Variants in SRP19 observed in about 807,000 individuals in gnomAD.
The protein encoded by SRP19 is signal recognition particle 19.
In SRP19, 11 loss-of-function variants were observed where a neutral mutation model predicts 22.4. The observed-to-expected ratio is 0.49, with a 90% CI of 0.31 to 0.81. SRP19 has a LOEUF of 0.81. SRP19 is among the 40% of genes least tolerant of loss of function. The pLI is 0.05. For missense variants in SRP19, 168 were observed against 175.9 expected, an observed-to-expected ratio of 0.96 and a Z score of 0.25; for synonymous variants, 61 against 57.6, an observed-to-expected ratio of 1.06 and a Z score of -0.27.
downstream of SRP19, chr5:112,869,895 A>G (rs1432163793): frequency 2.0e-5 from 3 of 152,234 alleles, no homozygotes; most frequent in Non-Finnish European, 2.9e-5. Flanking sequence ...TGTTTCCTTT[A>G]TAATTAATCA....
chr5:112,869,934 A>G (rs1052941127), downstream of SRP19: 1 of 152,224 alleles, frequency 6.6e-6, no homozygotes, highest in African/African-American at 2.4e-5. Flanking sequence ...TAGCAGTGTG[A>G]GAATGGATTA....
Position 112,892,163 on chromosome 5 carries a change from C to G in SRP19, c.*556C>G, listed in dbSNP as rs538127313. 6.2e-6 allele frequency: 10 copies of G among 1,614,170 alleles called. No homozygotes were observed. In the African/African-American group the frequency reaches 1.3e-4, roughly 22 times the overall value. On this transcript the variant is annotated 3_prime_UTR_variant, in exon 5 of 5. Transcript: ENST00000391338. Reference sequence around the variant, plus strand: ...TTCAGAGTAATGGAGAAGGATCGAGCTAATTGTCCCTTCTACAGTAAAACA... The same window carrying G: ...TTCAGAGTAATGGAGAAGGATCGAGGTAATTGTCCCTTCTACAGTAAAACA...
intron 2 of SRP19, among the ~76,000 whole-genome samples, chr5:112,864,044 G>A (rs1055943650): frequency 2.6e-5 from 4 of 152,106 alleles, no homozygotes; most frequent in African/African-American, 4.8e-5. Context: ...TTTGTAGAAC[G>A]CATCTGGGAA....
chr5:112,875,182 T>G (rs1258503335), intron 4 of SRP19, among the ~76,000 whole-genome samples: 1 of 152,184 alleles, frequency 6.6e-6, no homozygotes, highest in Non-Finnish European at 1.5e-5. Flanking sequence ...GGAAAACTTT[T>G]AATATCCTCA....
intron 4 of SRP19, chr5:112,864,962 T>G (rs991406444): frequency 1.1e-5 from 4 of 357,988 alleles, no homozygotes; most frequent in African/African-American, 8.3e-5. Flanking sequence ...AATTGTTGTG[T>G]GAACATTTTA....
At chr5:112,871,460 A>T (rs1286678296), downstream of SRP19, among the ~76,000 whole-genome samples, 1 of 151,040 alleles carries the variant, frequency 6.6e-6, no homozygotes, top group Non-Finnish European at 1.5e-5. Flanking sequence ...AATTAAAAAA[A>T]TTTTTTTTTA....
chr5:112,878,948 A>G, intron 4 of SRP19: 1 of 1,521,112 alleles, frequency 6.6e-7, no homozygotes, highest in Non-Finnish European at 9.0e-7. Context: ...TGGATGACTC[A>G]TGTTCAGGTG....
At chr5:112,892,268 T>C in exon 5 of SRP19, 2 of 1,614,130 alleles carry the variant, frequency 1.2e-6, no homozygotes, top group Non-Finnish European at 1.7e-6. Flanking sequence ...ATTAAGAGCA[T>C]GTTTACAACG....
downstream of SRP19, among the ~76,000 whole-genome samples, chr5:112,873,274 T>TC (rs1384363164): frequency 3.7e-4 from 54 of 146,170 alleles, no homozygotes; most frequent in Middle Eastern, 3.5e-3. Context: ...AGGTTTTCTT[T>TC]TTTTTTTTTT....
intron 4 of SRP19, among the ~76,000 whole-genome samples, chr5:112,881,128 CAAAAAAAA>C (rs58737941): frequency 7.4e-5 from 5 of 67,218 alleles, no homozygotes; most frequent in South Asian, 7.1e-4. Flanking sequence ...GACTCTGTTT[CAAAAAAAA>C]AAAAAAAAAA....
intron 4 of SRP19, chr5:112,887,297 A>G (rs1768286786): frequency 9.9e-7 from 1 of 1,011,952 alleles, no homozygotes; most frequent in Non-Finnish European, 1.3e-6. Context: ...TATTTTCCCC[A>G]AAGGCATTAC....
chr5:112,892,121 C>A (rs746209964), exon 5 of SRP19: 1 of 1,614,148 alleles, frequency 6.2e-7, no homozygotes, highest in South Asian at 1.1e-5. Flanking sequence ...TGGCAAAACC[C>A]AGAACCACCC....
chr5:112,876,166 T>C (rs910370399), intron 4 of SRP19, among the ~76,000 whole-genome samples: 1 of 152,212 alleles, frequency 6.6e-6, no homozygotes, highest in African/African-American at 2.4e-5. Flanking sequence ...AATGTAGTGC[T>C]AATTATTGGT....
intron 4 of SRP19, chr5:112,887,048 C>G: frequency 6.2e-7 from 1 of 1,612,578 alleles, no homozygotes. Context: ...GTCTCTTTGG[C>G]CTTGTCTTTA....
In SRP19 at chr5:112,867,719, C is replaced by G. The variant is rs1767654471; in HGVS notation, c.*182C>G. ...ACAAATTTACATCAGAAGTTTGCATCTCGCGTATATGCCGTATAAAAGAAT... is the reference window on the plus strand; with the variant it reads ...ACAAATTTACATCAGAAGTTTGCATGTCGCGTATATGCCGTATAAAAGAAT... On this transcript the variant is annotated 3_prime_UTR_variant, in exon 5 of 5. Transcript: ENST00000505459. 1.5e-6 allele frequency: 2 copies of G among 1,345,566 alleles called. No individual in the cohort carries two copies. The highest frequency in any genetic ancestry group is 1.9e-6 in the Non-Finnish European group (2 of 1,047,646). The allele number at this position is 1,345,566 out of a possible 1,614,324, so 83.4% of individuals were successfully genotyped here.
exon 5 of SRP19, chr5:112,891,920 A>C: frequency 1.5e-6 from 2 of 1,299,718 alleles, no homozygotes. Context: ...TTCAGAATAA[A>C]GAAGGAAAAG....
chr5:112,886,925 A>G lies in SRP19; in HGVS notation c.302-4678A>G, dbSNP rs370296608. On this transcript the variant is annotated intron_variant, in intron 4 of 4. Coordinates refer to the SRP19 transcript ENST00000391338. ...GTTGGCATTTGGCTGAGGGGTGGTG[A>G]TAAGACAAGAAGGCCAGGAAGCCTG... 49 of 954,246 alleles carry G rather than the reference A, an allele frequency of 5.1e-5. No individual in the cohort carries two copies. The African/African-American group carries it at 5.9e-4, about 11-fold the overall frequency. 59.1% of individuals were successfully genotyped at this position (954,246 alleles called of 1,614,324 possible).
At chr5:112,892,629 C>T (rs1353883383) in exon 5 of SRP19, 2 of 1,614,136 alleles carry the variant, frequency 1.2e-6, no homozygotes, top group South Asian at 2.2e-5. Context: ...GAGGAAAACA[C>T]TGCAACTTTC....
chr5:112,878,637 A>G, intron 4 of SRP19: 1 of 1,177,886 alleles, frequency 8.5e-7, no homozygotes, highest in Non-Finnish European at 1.2e-6. Context: ...AAAAGTAAGC[A>G]AAGAAACTTA....
Sources: gnomAD v4.1 joint callset for allele counts (sites outside exome capture counted in the v4.1 genomes callset) on GRCh38, gnomAD v4.1.1 for gene constraint, MANE v1.5 for transcripts, NCBI Gene and HGNC (gene_info 2026-07-23, HGNC 2026-07-21) for gene names.